The following SLC25A26 variants were observed in gnomAD, a reference collection of about 807,000 sequenced individuals.
The protein encoded by SLC25A26 is mitochondrial S-adenosylmethionine carrier protein.
Under a neutral mutation model 37.8 loss-of-function variants are expected in SLC25A26, and 36 were observed. The ratio of observed to expected loss-of-function variants is 0.95; its 90% CI spans 0.73 to 1.26. SLC25A26 has a LOEUF of 1.26. Among genes scored for constraint, SLC25A26 ranks in the 50% most tolerant of loss-of-function variants. The pLI is 0.00. For missense variants in SLC25A26, 390 were observed against 331.1 expected (o/e 1.18, Z -1.38); for synonymous variants, 129 against 122.5 (o/e 1.05, Z -0.35).
chr3:66,209,294 GCTATATGTATGTATATATACATATATAT>G (rs1247343151), intron 1 of SLC25A26, among the ~76,000 whole-genome samples: 11 of 135,170 alleles, frequency 8.1e-5, no homozygotes, highest in African/African-American at 2.9e-4. Context: ...ATAATATATA[GCTATATGTATGTATATATACATATATAT>G]CTATATGTAT....
At chr3:66,229,897 A>G (rs2071930516) in intron 1 of SLC25A26, among the ~76,000 whole-genome samples, 1 of 152,142 alleles carries the variant, frequency 6.6e-6, no homozygotes, top group South Asian at 2.1e-4. Flanking sequence ...AGTTCTTTCC[A>G]TTAGGAGGTA....
chr3:66,348,403 A>G (rs934808501), intron 6 of SLC25A26, among the ~76,000 whole-genome samples: 1 of 152,222 alleles, frequency 6.6e-6, no homozygotes, highest in Non-Finnish European at 1.5e-5. Flanking sequence ...TTGCAATGTA[A>G]AATGTATTTC....
chr3:66,185,802 T>A (rs2070815794), intron 1 of SLC25A26, among the ~76,000 whole-genome samples: 1 of 151,962 alleles, frequency 6.6e-6, no homozygotes, highest in African/African-American at 2.4e-5. Context: ...TCACCTCTCT[T>A]TGACCATGAC....
At chr3:66,249,608 C>T (rs958730756) in intron 3 of SLC25A26, among the ~76,000 whole-genome samples, 2 of 152,220 alleles carry the variant, frequency 1.3e-5, no homozygotes, top group Non-Finnish European at 2.9e-5. Context: ...GAAAGGTTGA[C>T]AACTTTTGAA....
chr3:66,346,724 G>GTC (rs2107739994), intron 6 of SLC25A26, among the ~76,000 whole-genome samples: 1 of 119,276 alleles, frequency 8.4e-6, no homozygotes, highest in South Asian at 2.3e-4. Context: ...GCGTGTGTGT[G>GTC]TGTGTGTGTG....
chr3:66,367,835 A>G lies in SLC25A26; in HGVS notation c.569-1643A>G, dbSNP rs150639859. ...TAGGATTTCAAGACCAAGTCCACAA[A>G]AATTTAAAAGACACAAAGCTTAGCA... On this transcript the variant is annotated intron_variant, in intron 7 of 9. Coordinates refer to ENST00000354883, the MANE Select transcript of SLC25A26 (RefSeq NM_001379210.1). Among the ~76,000 whole-genome samples the G allele has an allele frequency of 3.3e-4, 51 of 152,320 alleles. No individual in the cohort carries two copies. The East Asian group carries it at 9.8e-3, about 29-fold the overall frequency.
intron 5 of SLC25A26, 36 bp from the exon 6 acceptor site, chr3:66,346,328 T>C (rs1219485576): frequency 1.6e-6 from 2 of 1,252,554 alleles, no homozygotes; most frequent in Admixed American, 2.6e-5. Context: ...GGCTCTTTTT[T>C]GCCTAATTTA....
chr3:66,306,921 G>T (rs1453052116), intron 5 of SLC25A26, among the ~76,000 whole-genome samples: 2 of 152,152 alleles, frequency 1.3e-5, no homozygotes, highest in African/African-American at 2.4e-5. Flanking sequence ...GGGCATTTGG[G>T]TTGGTTCCAA....
chr3:66,208,832 G>A (rs2071220089), intron 1 of SLC25A26, among the ~76,000 whole-genome samples: 1 of 118,338 alleles, frequency 8.5e-6, no homozygotes, highest in African/African-American at 3.0e-5. Context: ...ACCTTTATAT[G>A]GGTGTACATA....
chr3:66,171,550 T>A (rs140037371), intron 1 of SLC25A26, among the ~76,000 whole-genome samples: 2,094 of 152,238 alleles, frequency 0.014, 40 homozygotes, highest in East Asian at 0.083. Context: ...GGTGCAGTGG[T>A]GCAATCTTTG....
intron 5 of SLC25A26, among the ~76,000 whole-genome samples, chr3:66,310,023 T>C (rs1331288809): frequency 1.3e-5 from 2 of 152,184 alleles, no homozygotes; most frequent in Non-Finnish European, 2.9e-5. Flanking sequence ...GTCCCCTCGG[T>C]CCGGAGCTGA....
chr3:66,226,491 T>C (rs932871362), intron 1 of SLC25A26, among the ~76,000 whole-genome samples: 5 of 152,034 alleles, frequency 3.3e-5, no homozygotes, highest in African/African-American at 9.7e-5. Flanking sequence ...CTTTTTTTTT[T>C]GAGACAAGGT....
intron 1 of SLC25A26, among the ~76,000 whole-genome samples, chr3:66,158,563 T>A (rs1027412064): frequency 6.6e-6 from 1 of 152,148 alleles, no homozygotes; most frequent in Non-Finnish European, 1.5e-5. Flanking sequence ...CATTTTACAT[T>A]TGCAGCAGTG....
At chr3:66,138,531 C>T (rs2069982707) in intron 1 of SLC25A26, among the ~76,000 whole-genome samples, 1 of 151,432 alleles carries the variant, frequency 6.6e-6, no homozygotes, top group African/African-American at 2.4e-5. Context: ...TACATTGGGG[C>T]CTTTCTTTCC....
intron 5 of SLC25A26, among the ~76,000 whole-genome samples, chr3:66,270,363 C>T (rs911696747): frequency 2.6e-5 from 4 of 152,106 alleles, no homozygotes; most frequent in Non-Finnish European, 5.9e-5. Flanking sequence ...CAGTTAAAAT[C>T]CAATGCAAAC....
rs541340847 is a variant in SLC25A26 at position 66,144,161 on chromosome 3, C to T, written c.-354+10177C>T. Reference sequence around the variant, plus strand: ...ATTCAAGCTGAGACCTGAATGATAACAAGGAACCAACTGTATCAAGATCTC... The same window carrying T: ...ATTCAAGCTGAGACCTGAATGATAATAAGGAACCAACTGTATCAAGATCTC... On this transcript the variant is annotated intron_variant, in intron 1 of 10. Coordinates refer to the SLC25A26 transcript ENST00000676754. Among the ~76,000 whole-genome samples, 14 of 152,092 alleles carry T rather than the reference C, an allele frequency of 9.2e-5. No individual in the cohort carries two copies. In the East Asian group the frequency reaches 2.5e-3, roughly 27 times the overall value.
intron 1 of SLC25A26, among the ~76,000 whole-genome samples, chr3:66,163,389 T>A (rs767251748): frequency 1.1e-4 from 16 of 152,200 alleles, no homozygotes; most frequent in Non-Finnish European, 2.2e-4. Context: ...TCCAACCACT[T>A]TCATGTGCTA....
At chr3:66,355,655 G>T (rs2076557688) in intron 6 of SLC25A26, among the ~76,000 whole-genome samples, 1 of 152,198 alleles carries the variant, frequency 6.6e-6, no homozygotes, top group Non-Finnish European at 1.5e-5. Flanking sequence ...TAGTATGTGA[G>T]TACTTCACAG....
At chr3:66,223,341 G>A (rs907012752) in intron 1 of SLC25A26, among the ~76,000 whole-genome samples, 1 of 152,186 alleles carries the variant, frequency 6.6e-6, no homozygotes, top group African/African-American at 2.4e-5. Context: ...TTTTCAAGTG[G>A]TGAGGCCTAA....
Sources: gnomAD v4.1 joint callset for allele counts (sites outside exome capture counted in the v4.1 genomes callset) on GRCh38, gnomAD v4.1.1 for gene constraint, MANE v1.5 for transcripts, NCBI Gene and HGNC (gene_info 2026-07-23, HGNC 2026-07-21) for gene names.